The following LHFPL6 variants were observed in gnomAD, a reference collection of about 807,000 sequenced individuals.
The protein encoded by LHFPL6 is LHFPL tetraspan subfamily member 6, also known as LHFPL tetraspan subfamily member 6 protein.
Under a neutral mutation model 20.6 loss-of-function variants are expected in LHFPL6, and 9 were observed. That is an observed-to-expected ratio of 0.44 (90% CI 0.26 to 0.76). LHFPL6 has a LOEUF of 0.76. LHFPL6 is among the 30% of genes least tolerant of loss of function. LHFPL6 has a pLI of 0.20. For synonymous variants in LHFPL6, 105 were observed against 98.7 expected, an observed-to-expected ratio of 1.06 and a Z score of -0.38; for missense variants, 218 against 253.5, an observed-to-expected ratio of 0.86 and a Z score of 0.95.
chr13:39,383,360 A>G (rs768332945), intron 2 of LHFPL6, among the ~76,000 whole-genome samples: 132 of 152,228 alleles, frequency 8.7e-4, no homozygotes, highest in Non-Finnish European at 1.8e-3. Flanking sequence ...CTTAACCTGG[A>G]CTGCCCCATG....
chr13:39,598,550 T>G (rs1872835669), intron 2 of LHFPL6, among the ~76,000 whole-genome samples: 1 of 152,016 alleles, frequency 6.6e-6, no homozygotes, highest in African/African-American at 2.4e-5. Context: ...TTATTTATCT[T>G]TATTTATTTT....
chr13:39,503,240 C>T (rs1336792628), intron 2 of LHFPL6, among the ~76,000 whole-genome samples: 2 of 152,178 alleles, frequency 1.3e-5, no homozygotes, highest in East Asian at 3.9e-4. Context: ...AGGCACTAGC[C>T]TCCCAGCCAT....
intron 2 of LHFPL6, among the ~76,000 whole-genome samples, chr13:39,412,879 A>T (rs970466604): frequency 1.1e-4 from 17 of 150,170 alleles, no homozygotes; most frequent in African/African-American, 4.2e-4. Flanking sequence ...CCGAGATTGC[A>T]CCATTGCACT....
chr13:39,599,649 C>T (rs1383462119), intron 2 of LHFPL6, among the ~76,000 whole-genome samples: 1 of 152,214 alleles, frequency 6.6e-6, no homozygotes, highest in Non-Finnish European at 1.5e-5. Context: ...TAAAACAAAA[C>T]TTTCTATCTC....
chr13:39,418,382 C>CTTTTT (rs71077297), intron 2 of LHFPL6, among the ~76,000 whole-genome samples: 16,527 of 127,898 alleles, frequency 0.13, 1,378 homozygotes, highest in East Asian at 0.31. Context: ...TTTTTTTGGT[C>CTTTTT]TTTTTTTTTT....
chr13:39,482,254 G>A (rs1868551729), intron 2 of LHFPL6, among the ~76,000 whole-genome samples: 1 of 152,124 alleles, frequency 6.6e-6, no homozygotes, highest in South Asian at 2.1e-4. Flanking sequence ...GACCAGCCTG[G>A]CCAACATGGC....
chr13:39,386,393 T>C (rs1870564426), intron 2 of LHFPL6, among the ~76,000 whole-genome samples: 1 of 151,758 alleles, frequency 6.6e-6, no homozygotes, highest in Non-Finnish European at 1.5e-5. Flanking sequence ...AAAAAAGGCT[T>C]GGTTGCATTC....
chr13:39,576,853 TTAA>T, intron 2 of LHFPL6, among the ~76,000 whole-genome samples: 1 of 152,344 alleles, frequency 6.6e-6, no homozygotes, highest in South Asian at 2.1e-4. Flanking sequence ...GCTTGGGCTC[TTAA>T]TAATTTTTGA....
At chr13:39,574,598 C>A (rs1872051633) in intron 2 of LHFPL6, among the ~76,000 whole-genome samples, 1 of 151,806 alleles carries the variant, frequency 6.6e-6, no homozygotes, top group Non-Finnish European at 1.5e-5. Flanking sequence ...ACGATTTTTG[C>A]GTGTTAAAAT....
intron 2 of LHFPL6, among the ~76,000 whole-genome samples, chr13:39,452,125 C>G (rs1872465065): frequency 6.6e-6 from 1 of 150,526 alleles, no homozygotes; most frequent in Non-Finnish European, 1.5e-5. Context: ...AAGGATATAA[C>G]AGAGAGTTTA....
chr13:39,435,550 A>C (rs1322354810), intron 2 of LHFPL6, among the ~76,000 whole-genome samples: 1 of 152,236 alleles, frequency 6.6e-6, no homozygotes. Flanking sequence ...TATTTTCCAA[A>C]TGACTAATGT....
intron 2 of LHFPL6, among the ~76,000 whole-genome samples, chr13:39,523,431 A>C (rs1014155124): frequency 6.6e-6 from 1 of 151,236 alleles, no homozygotes; most frequent in South Asian, 2.1e-4. Context: ...TAACCGGGCG[A>C]GGTGGCGGGC....
intron 2 of LHFPL6, among the ~76,000 whole-genome samples, chr13:39,574,520 C>T (rs1872049532): frequency 2.6e-5 from 4 of 151,512 alleles, no homozygotes; most frequent in Admixed American, 2.6e-4. Context: ...TAAACATGTT[C>T]CACCCATGGT....
intron 2 of LHFPL6, among the ~76,000 whole-genome samples, chr13:39,396,646 T>C (rs910332449): frequency 3.9e-5 from 6 of 151,910 alleles, no homozygotes; most frequent in African/African-American, 1.2e-4. Flanking sequence ...AAACAAAAAT[T>C]AGCCAGTGTG....
chr13:39,557,559 C>T (rs1195427064), intron 2 of LHFPL6, among the ~76,000 whole-genome samples: 2 of 152,212 alleles, frequency 1.3e-5, no homozygotes, highest in East Asian at 3.9e-4. Context: ...CTAGTCCCAC[C>T]TGCAGTAGAT....
intron 2 of LHFPL6, among the ~76,000 whole-genome samples, chr13:39,380,686 T>C (rs1870415513): frequency 6.6e-6 from 1 of 151,978 alleles, no homozygotes. Context: ...AGAGATGGGG[T>C]TTCACCATGT....
chr13:39,458,303 TAAGAA>T (rs1223585790), intron 2 of LHFPL6, among the ~76,000 whole-genome samples: 3 of 151,842 alleles, frequency 2.0e-5, no homozygotes, highest in Non-Finnish European at 2.9e-5. Context: ...AAGTACAGGC[TAAGAA>T]AAGAGGTTAC....
rs181943549 is a variant in LHFPL6, at chr13:39,370,185, A to T, written c.484+8243T>A. On this transcript the variant is annotated intron_variant, in intron 3 of 3. Coordinates refer to ENST00000379589, the MANE Select transcript of LHFPL6 (RefSeq NM_005780.3). Reference sequence around the variant, plus strand: ...CCTGAACACTTTGCTCAGTCATGTCATCACTGGCCAGGGTGGGCTCCCTTG... The same window carrying T: ...CCTGAACACTTTGCTCAGTCATGTCTTCACTGGCCAGGGTGGGCTCCCTTG... Among the ~76,000 whole-genome samples the T allele has an allele frequency of 2.2e-3, 340 of 152,288 alleles. 1 individual carries two copies. The highest frequency in any genetic ancestry group is 3.5e-3 in the Admixed American group (53 of 15,296).
At chr13:39,423,663 T>G (rs781738546) in intron 2 of LHFPL6, among the ~76,000 whole-genome samples, 1 of 152,112 alleles carries the variant, frequency 6.6e-6, no homozygotes, top group Non-Finnish European at 1.5e-5. Flanking sequence ...TGAGGAAAAG[T>G]GATCCCAGGC....
Sources: gnomAD v4.1 joint callset for allele counts (sites outside exome capture counted in the v4.1 genomes callset) on GRCh38, gnomAD v4.1.1 for gene constraint, MANE v1.5 for transcripts, NCBI Gene and HGNC (gene_info 2026-07-23, HGNC 2026-07-21) for gene names.